VAX2: variants seen among roughly 807,000 people sequenced by gnomAD.
VAX2 encodes the protein ventral anterior homeobox 2.
A neutral mutation model predicts 12.5 loss-of-function variants in VAX2; 8 were observed. The ratio of observed to expected loss-of-function variants is 0.64; its 90% CI spans 0.37 to 1.15. The LOEUF (loss-of-function observed/expected upper bound fraction) is 1.15, where lower values mean the gene tolerates loss of function less well. VAX2 is among the 50% of genes most tolerant of loss of function. The pLI is 0.01. For synonymous variants in VAX2, 183 were observed against 187.6 expected, an observed-to-expected ratio of 0.98 and a Z score of 0.20; for missense variants, 476 against 412.9, an observed-to-expected ratio of 1.15 and a Z score of -1.32.
At chr2:70,900,945 T>G in intron 1 of VAX2, 77 bp downstream of exon 1, 1 of 1,215,728 alleles carries the variant, frequency 8.2e-7, no homozygotes, top group Non-Finnish European at 1.0e-6. Context: ...TAGCTGCAGC[T>G]GACACCTCTC....
chr2:70,913,510 C>T (rs1177662452), intron 1 of VAX2, among the ~76,000 whole-genome samples: 1 of 151,978 alleles, frequency 6.6e-6, no homozygotes, highest in African/African-American at 2.4e-5. Flanking sequence ...AACCCTGCCT[C>T]TACTAAAAAT....
In VAX2 at chr2:70,904,740, G is replaced by A. The variant is rs1679010889; in HGVS notation, c.247+3872G>A. ...CACCCGGGAGCTGCATGGATGCGCG[G>A]ATGGCTGGGGGCTGAGGGGACGCGT... On this transcript the variant is annotated intron_variant, in intron 1 of 2. Coordinates refer to ENST00000234392, the MANE Select transcript of VAX2 (RefSeq NM_012476.3). This position sits in a 1 kb window ranked among gnomAD's most constrained non-coding sequence, Gnocchi z 4.2. 6.6e-6 allele frequency among the ~76,000 whole-genome samples: 1 copy of A among 152,248 alleles called. No homozygotes were observed. Among genetic ancestry groups the A allele is most frequent in the Non-Finnish European group, 1.5e-5 (1 of 68,050 alleles).
intron 2 of VAX2, among the ~76,000 whole-genome samples, chr2:70,931,836 G>A (rs2104789904): frequency 6.6e-6 from 1 of 152,372 alleles, no homozygotes; most frequent in Admixed American, 6.5e-5. Flanking sequence ...ACACACGTGT[G>A]GGTCAGAGCC....
chr2:70,924,248 C>T (rs1553413250), intron 2 of VAX2: 1 of 152,210 alleles, frequency 6.6e-6, no homozygotes, highest in African/African-American at 2.4e-5. Flanking sequence ...AAGTTTCTAC[C>T]CTCTAATCAC....
At chr2:70,928,296 A>C (rs1306995945) in intron 2 of VAX2, among the ~76,000 whole-genome samples, 1 of 152,192 alleles carries the variant, frequency 6.6e-6, no homozygotes, top group Non-Finnish European at 1.5e-5. Flanking sequence ...AGCACATTAG[A>C]TTCACCCACA....
intron 1 of VAX2, among the ~76,000 whole-genome samples, chr2:70,911,578 A>G (rs1239575286): frequency 2.0e-5 from 3 of 152,224 alleles, no homozygotes; most frequent in Non-Finnish European, 4.4e-5. Flanking sequence ...AGAGAACCTA[A>G]TTCTACTCAG....
intron 2 of VAX2, among the ~76,000 whole-genome samples, chr2:70,926,935 C>T (rs1679587536): frequency 6.6e-6 from 1 of 152,080 alleles, no homozygotes; most frequent in Admixed American, 6.6e-5. Flanking sequence ...TTAAGGGAAC[C>T]AGAATTGAAT....
intron 2 of VAX2, among the ~76,000 whole-genome samples, chr2:70,932,550 G>T (rs1679716291): frequency 6.6e-6 from 1 of 151,998 alleles, no homozygotes; most frequent in South Asian, 2.1e-4. Flanking sequence ...GGGGACCAGA[G>T]TCCCTAATCA....
At chr2:70,903,322 G>C (rs148142304) in intron 1 of VAX2, among the ~76,000 whole-genome samples, 3,216 of 152,252 alleles carry the variant, frequency 0.021, 54 homozygotes, top group South Asian at 0.082. Flanking sequence ...TGTTGGGTTG[G>C]GGCCTCCCCA....
At position 70,904,951 on chromosome 2, in the gene VAX2, C is replaced by T. The variant is rs1024433861; in HGVS notation, c.247+4083C>T. Among the ~76,000 whole-genome samples, 1 of 152,212 alleles carries T rather than the reference C, an allele frequency of 6.6e-6. No individual in the cohort carries two copies. Among genetic ancestry groups the T allele is most frequent in the Non-Finnish European group, 1.5e-5 (1 of 68,050 alleles). On this transcript the variant is annotated intron_variant, in intron 1 of 2. Transcript: ENST00000234392. This position sits in a 1 kb window ranked among gnomAD's most constrained non-coding sequence, Gnocchi z 4.2. ...CCGCCGGGGCCCTAACTCCCAGAGACGCGTCTGAAGAAGCCATACAAGGGG... is the reference window on the plus strand; with the variant it reads ...CCGCCGGGGCCCTAACTCCCAGAGATGCGTCTGAAGAAGCCATACAAGGGG...
chr2:70,902,450 T>A (rs1376924967), intron 1 of VAX2, among the ~76,000 whole-genome samples: 1 of 152,178 alleles, frequency 6.6e-6, no homozygotes, highest in Non-Finnish European at 1.5e-5. Flanking sequence ...AGTGAAGGCA[T>A]AAGCAGACCT....
chr2:70,923,592 G>T (rs1286028087), intron 2 of VAX2, among the ~76,000 whole-genome samples: 1 of 152,152 alleles, frequency 6.6e-6, no homozygotes, highest in African/African-American at 2.4e-5. Context: ...TAAAACCGGG[G>T]GCTCCCACAT....
intron 2 of VAX2, among the ~76,000 whole-genome samples, chr2:70,925,155 G>T (rs1553413368): frequency 6.6e-6 from 1 of 152,216 alleles, no homozygotes; most frequent in African/African-American, 2.4e-5. Flanking sequence ...ATCATGCGAT[G>T]CTTAGAGACT....
chr2:70,921,245 G>T lies in VAX2; in HGVS notation c.395G>T (p.Arg132Leu), dbSNP rs782544377. Residue 132 changes from arginine to leucine, a missense_variant, in exon 2 of 3, where the codon CGC becomes CTC. Physicochemically the swap from Arg to Leu is moderately radical, Grantham distance 102. Transcript: ENST00000234392. ...QRCQYVVGRE[R>L]TELARQLNLS... Reference sequence around the variant, plus strand: ...TGCCAGTATGTGGTGGGCCGCGAGCGCACTGAGCTGGCCCGCCAGCTGAAC... The same window carrying T: ...TGCCAGTATGTGGTGGGCCGCGAGCTCACTGAGCTGGCCCGCCAGCTGAAC... 2.5e-6 allele frequency: 4 copies of T among 1,612,790 alleles called. No homozygotes were observed. Among genetic ancestry groups the T allele is most frequent in the Non-Finnish European group, 3.4e-6 (4 of 1,179,628 alleles).
At chr2:70,902,044 G>A (rs1287755659) in intron 1 of VAX2, among the ~76,000 whole-genome samples, 3 of 152,222 alleles carry the variant, frequency 2.0e-5, no homozygotes, top group African/African-American at 4.8e-5. Context: ...TGGGGAAGGC[G>A]AACAGGCTGG....
chr2:70,926,321 G>A (rs1490430975), intron 2 of VAX2, among the ~76,000 whole-genome samples: 1 of 152,106 alleles, frequency 6.6e-6, no homozygotes, highest in African/African-American at 2.4e-5. Flanking sequence ...GAGAGCAGGG[G>A]CAGCCTCAGA....
At chr2:70,912,594 G>A (rs1379459783) in intron 1 of VAX2, among the ~76,000 whole-genome samples, 6 of 152,130 alleles carry the variant, frequency 3.9e-5, no homozygotes, top group Admixed American at 2.6e-4. Context: ...CCCGGGAGGC[G>A]GAGGTTGCAG....
chr2:70,918,154 C>T (rs1316313418), intron 1 of VAX2, among the ~76,000 whole-genome samples: 1 of 152,226 alleles, frequency 6.6e-6, no homozygotes, highest in Non-Finnish European at 1.5e-5. Context: ...TGCCCAGCAG[C>T]TTGGCAGGAC....
rs1368223236 is a variant in VAX2, at chr2:70,920,962, C to A, written c.248-136C>A. On this transcript the variant is annotated intron_variant, in intron 1 of 2. Coordinates refer to ENST00000234392, the MANE Select transcript of VAX2 (RefSeq NM_012476.3). ...ATCTGGGCCCAGAGAGGGTGAGCAA[C>A]TTGTCACAGGTCATGCAACCAGATC... 4 of 1,065,680 alleles carry A rather than the reference C, an allele frequency of 3.8e-6. No individual in the cohort carries two copies. In the African/African-American group the frequency reaches 6.7e-5, roughly 18 times the overall value. 66.0% of individuals were successfully genotyped at this position (1,065,680 alleles called of 1,614,324 possible).
Sources: allele counts gnomAD v4.1 joint callset (sites outside exome capture counted in the v4.1 genomes callset), GRCh38; gene constraint gnomAD v4.1.1; non-coding constraint Gnocchi (gnomAD v3.1); transcripts MANE v1.5; gene names NCBI Gene and HGNC (gene_info 2026-07-23, HGNC 2026-07-21).